The following BCAR1 variants were observed in gnomAD, a reference collection of about 807,000 sequenced individuals.
BCAR1 encodes BCAR1 scaffold protein, Cas family member.
BCAR1 carries 30 observed loss-of-function variants against 67.6 expected under a neutral mutation model. The observed-to-expected ratio is 0.44, with a 90% confidence interval of 0.33 to 0.60. The LOEUF is 0.60. Among genes scored for constraint, BCAR1 ranks in the 20% least tolerant of loss-of-function variants. BCAR1 has a pLI of 0.02. For synonymous variants in BCAR1, 626 were observed against 556.7 expected (o/e 1.12, Z -1.75); for missense variants, 1,313 against 1,222.3 (o/e 1.07, Z -1.11).
Position 75,229,796 on chromosome 16 carries a change from C to G in BCAR1, c.2328G>C (p.Lys776Asn), listed in dbSNP as rs1284886670. ...FTAVATNQPPKIFVAHSKFVI... is the reference protein window; with the variant it reads ...FTAVATNQPPNIFVAHSKFVI... ...CGAACTTGCTGTGCGCCACAAAGAT[C>G]TTGGGCGGCTGGTTGGTGGCCACGG... is the stretch of plus-strand genomic sequence containing the variant. Residue 776 changes from lysine to asparagine, a missense_variant, in exon 7 of 7, where the codon AAG (lysine) becomes AAC (asparagine). This residue lies in a region of BCAR1 where 1,272 missense variants were observed against 1,137.5 expected (regional missense o/e 1.12). Transcript: ENST00000162330. 6.2e-7 allele frequency: 1 copy of G among 1,613,566 alleles called. No individual in the cohort carries two copies. Among genetic ancestry groups the G allele is most frequent in the Non-Finnish European group, 8.5e-7 (1 of 1,180,004 alleles).
intron 1 of BCAR1, chr16:75,264,470 G>A (rs1343993272): frequency 6.8e-7 from 1 of 1,479,098 alleles, no homozygotes; most frequent in South Asian, 1.3e-5. Context: ...CAGGAGAGCA[G>A]AACAGAAGAG....
At chr16:75,266,795 C>A (rs2078015915) in intron 1 of BCAR1, 3 of 1,435,078 alleles carry the variant, frequency 2.1e-6, no homozygotes, top group Middle Eastern at 3.6e-4. Flanking sequence ...GCAAGTGGGG[C>A]TGGGGTCCAG....
chr16:75,247,683 A>G, intron 1 of BCAR1: 1 of 209,076 alleles, frequency 4.8e-6, no homozygotes, highest in Admixed American at 5.3e-5. Context: ...CTGAAGGGAC[A>G]ACCCAGGAGT....
intron 1 of BCAR1, among the ~76,000 whole-genome samples, chr16:75,258,184 C>T (rs2077824113): frequency 6.6e-6 from 1 of 152,218 alleles, no homozygotes; most frequent in African/African-American, 2.4e-5. Context: ...CTAAGCCCAT[C>T]CCGCAACCAA....
At chr16:75,267,920 G>A (rs751171857) in exon 1 of BCAR1, 1 of 1,602,310 alleles carries the variant, frequency 6.2e-7, no homozygotes, top group Non-Finnish European at 8.5e-7. Context: ...CTTACTCTGA[G>A]GCAGGGATCC....
chr16:75,256,925 G>A (rs1220520735), intron 1 of BCAR1, among the ~76,000 whole-genome samples: 1 of 152,198 alleles, frequency 6.6e-6, no homozygotes, highest in East Asian at 1.9e-4. Flanking sequence ...GTGAGGAGGG[G>A]CCATGTGCAC....
rs758457850 is a variant in BCAR1, at chr16:75,235,449, C to T, written c.1450G>A (p.Ala484Thr). The T allele has an allele frequency of 1.0e-5, 16 of 1,607,220 alleles. No individual in the cohort carries two copies. The African/African-American group carries it at 1.2e-4, about 12-fold the overall frequency. The change falls in exon 5 of 7, where the codon GCC becomes ACC. Residue 484 changes from alanine to threonine, a missense_variant. Transcript: ENST00000162330. ...CTACGCCAGCTCCCAGTCGCACCGG[C>T]GCTGCCTGCCAGGTCCAGAAGGTGG... ...VAHLLDLAGS[A>T]GATGSWRSPS...
chr16:75,245,040 G>A (rs2077471960), intron 1 of BCAR1, among the ~76,000 whole-genome samples: 1 of 152,228 alleles, frequency 6.6e-6, no homozygotes, highest in Non-Finnish European at 1.5e-5. Context: ...TATGTCCCAG[G>A]CTCTGAGGCA....
chr16:75,237,300 G>A lies in BCAR1; in HGVS notation c.678C>T (p.Ala226=), dbSNP rs763509119. 10 of 1,522,430 alleles carry A rather than the reference G, an allele frequency of 6.6e-6. No homozygotes were observed. Among genetic ancestry groups the A allele is most frequent in the Middle Eastern group, 1.7e-4 (1 of 5,726 alleles). 94.3% of individuals were successfully genotyped at this position (1,522,430 alleles called of 1,614,324 possible). The part of the protein sequence containing the change: ...TRVGQGYVYE[A]AQPEQDEYDI... Reference sequence around the variant, plus strand: ...CGTACTCGTCCTGCTCCGGCTGGGCGGCCTCGTATACATAGCCCTGCCCCA... The same window carrying A: ...CGTACTCGTCCTGCTCCGGCTGGGCAGCCTCGTATACATAGCCCTGCCCCA... Residue 226 remains alanine (A), a synonymous_variant, in exon 3 of 7, where the codon GCC becomes GCT. Transcript: ENST00000162330.
chr16:75,261,925 C>G lies in BCAR1; in HGVS notation c.66+5990G>C, dbSNP rs557711001. On this transcript the variant is annotated intron_variant, in intron 1 of 6. Coordinates refer to the BCAR1 transcript ENST00000393422. ...ACAATAATCTCCACAGCAGTAGCTGCTGTTACTTAATCACCCTCCTTCTAA... is the reference window on the plus strand; with the variant it reads ...ACAATAATCTCCACAGCAGTAGCTGGTGTTACTTAATCACCCTCCTTCTAA... Among the ~76,000 whole-genome samples, 8 of 152,372 alleles carry G rather than the reference C, an allele frequency of 5.3e-5. No homozygotes were observed. The South Asian group carries it at 1.7e-3, about 32-fold the overall frequency.
chr16:75,233,941 G>C lies in BCAR1; in HGVS notation c.2011-6C>G. 6.2e-7 allele frequency: 1 copy of C among 1,600,448 alleles called. No homozygotes were observed. The highest frequency in any genetic ancestry group is 1.7e-5 in the Admixed American group (1 of 58,066). On this transcript the variant is annotated splice_region_variant and splice_polypyrimidine_tract_variant and intron_variant, in intron 5 of 6. Transcript: ENST00000162330. ...TTCTCAAACTCCTCCTTCCCCTGGA[G>C]GGCAGAGACAGGGGCTGCGCTGAGG...
At chr16:75,243,994 G>C (rs1052991303) in intron 1 of BCAR1, among the ~76,000 whole-genome samples, 3 of 152,332 alleles carry the variant, frequency 2.0e-5, no homozygotes, top group African/African-American at 7.2e-5. Context: ...GGGAGGCACG[G>C]GGTGAGACAA....
Position 75,229,945 on chromosome 16 carries a change from G to A in BCAR1, c.2179C>T (p.Pro727Ser), listed in dbSNP as rs138734277. 49 of 1,601,568 alleles carry A rather than the reference G, an allele frequency of 3.1e-5. No homozygotes were observed. In the African/African-American group the frequency reaches 4.3e-4, roughly 14 times the overall value. The change falls in exon 7 of 7, where the codon CCC becomes TCC. Residue 727 changes from proline (P) to serine (S), a missense_variant. By Grantham distance (74) the Pro-to-Ser change is moderately conservative. Coordinates refer to ENST00000162330, the MANE Select transcript of BCAR1 (RefSeq NM_014567.5). Reference sequence around the variant, plus strand: ...CCGCCTGTTCGCCCCGGGGCCAGGGGTTGGGCTGGCGTCCAGTTGGCCAGG... The same window carrying A: ...CCGCCTGTTCGCCCCGGGGCCAGGGATTGGGCTGGCGTCCAGTTGGCCAGG... Reference protein sequence around the residue: ...HDLANWTPAQPLAPGRTGGLG... With the variant: ...HDLANWTPAQSLAPGRTGGLG...
At position 75,229,685 on chromosome 16, in the gene BCAR1, G is replaced by A; in HGVS notation, c.2439C>T (p.Thr813=). 1.2e-6 allele frequency: 2 copies of A among 1,612,866 alleles called. No homozygotes were observed. The highest frequency in any genetic ancestry group is 1.7e-6 in the Non-Finnish European group (2 of 1,179,922). ...GGTCGCACAGCAGGTTGCTGTAGTG[G>A]GTCACCTGGCTGCGCACGTCAGCAG... ...AKAADVRSQV[T]HYSNLLCDLL... is the part of the protein sequence containing the mutation. The change falls in exon 7 of 7, where the codon ACC becomes ACT. Residue 813 remains threonine, a synonymous_variant. Transcript: ENST00000162330.
At position 75,251,542 on chromosome 16, in the gene BCAR1, C is replaced by T. The variant is rs1452539618; in HGVS notation, c.-60G>A. The T allele has an allele frequency of 5.1e-6, 6 of 1,185,584 alleles. No homozygotes were observed. The highest frequency in any genetic ancestry group is 4.2e-6 in the Non-Finnish European group (4 of 958,338). 73.4% of individuals were successfully genotyped at this position (1,185,584 alleles called of 1,614,324 possible). ...GGGGCGCACACCGAGCTGCCCGGGC[C>T]GCGTGCCCTCGGGGCTCCGAGCGCG... On this transcript the variant is annotated 5_prime_UTR_variant, in exon 1 of 7. Coordinates refer to ENST00000162330, the MANE Select transcript of BCAR1 (RefSeq NM_014567.5).
intron 1 of BCAR1, among the ~76,000 whole-genome samples, chr16:75,258,230 C>T (rs747099631): frequency 2.6e-5 from 4 of 152,230 alleles, no homozygotes; most frequent in Non-Finnish European, 5.9e-5. Flanking sequence ...GCGTAGACAC[C>T]GCTCCTCAGA....
At chr16:75,248,219 A>G (rs2077577924) in intron 1 of BCAR1, 1 of 1,544,298 alleles carries the variant, frequency 6.5e-7, no homozygotes, top group Non-Finnish European at 8.7e-7. Context: ...GGAAACCACC[A>G]GAGGAAATGT....
Position 75,237,326 on chromosome 16 carries a change from C to G in BCAR1, c.652G>C (p.Val218Leu), listed in dbSNP as rs780049900. 11 of 1,471,556 alleles carry G rather than the reference C, an allele frequency of 7.5e-6. 1 individual carries two copies. In the Middle Eastern group the frequency reaches 7.2e-4, roughly 96 times the overall value. The allele number at this position is 1,471,556 out of a possible 1,614,324, so 91.2% of individuals were successfully genotyped here. A position where few individuals can be genotyped will look rare whatever the true frequency, so the allele number is the denominator to read the frequency against. Residue 218 changes from valine (V) to leucine (L), a missense_variant, in exon 3 of 7, where the codon GTG (valine) becomes CTG (leucine). Val to Leu is a conservative substitution (Grantham distance 32). Transcript: ENST00000162330. Reference sequence around the variant, plus strand: ...GCCTCGTATACATAGCCCTGCCCCACGCGGGTGGGCACCACCACCTGGGGG... The same window carrying G: ...GCCTCGTATACATAGCCCTGCCCCAGGCGGGTGGGCACCACCACCTGGGGG... ...PPAKVVVPTR[V>L]GQGYVYEAAQ...
chr16:75,266,994 C>T (rs867658382), intron 1 of BCAR1, among the ~76,000 whole-genome samples: 12 of 152,178 alleles, frequency 7.9e-5, no homozygotes, highest in African/African-American at 2.9e-4. Flanking sequence ...GATGCTGTGC[C>T]AGGAGGCCAC....
Sources: allele counts gnomAD v4.1 joint callset (sites outside exome capture counted in the v4.1 genomes callset), GRCh38; gene constraint gnomAD v4.1.1; regional missense constraint gnomAD v4.1.1; transcripts MANE v1.5; gene names NCBI Gene and HGNC (gene_info 2026-07-23, HGNC 2026-07-21).